CERS4: variants seen among roughly 807,000 people sequenced by gnomAD.
CERS4 encodes the protein LAG1 homolog, ceramide synthase 4.
Under a neutral mutation model 51.8 loss-of-function variants are expected in CERS4, and 65 were observed. The observed-to-expected ratio is 1.26, with a 90% confidence interval of 1.03 to 1.54. The LOEUF is 1.54. Among genes scored for constraint, CERS4 ranks in the 40% most tolerant of loss-of-function variants. CERS4 has a pLI of 0.00. For missense variants in CERS4, 563 were observed against 500.4 expected (o/e 1.13, Z -1.19); for synonymous variants, 228 against 208.4 (o/e 1.09, Z -0.81).
intron 3 of CERS4, among the ~76,000 whole-genome samples, chr19:8,252,994 T>C (rs1004088738): frequency 6.6e-5 from 10 of 152,208 alleles, no homozygotes; most frequent in Non-Finnish European, 1.5e-4. Context: ...GACGAGCCAA[T>C]GTATCACATG....
chr19:8,223,831 G>GCT (rs747171510), intron 2 of CERS4, among the ~76,000 whole-genome samples: 4 of 152,154 alleles, frequency 2.6e-5, no homozygotes, highest in Admixed American at 1.3e-4. Context: ...GGGTGCAGTG[G>GCT]CTCATGCCTG....
At chr19:8,217,586 G>T (rs1266931186) in intron 2 of CERS4, among the ~76,000 whole-genome samples, 3 of 150,852 alleles carry the variant, frequency 2.0e-5, no homozygotes, top group African/African-American at 7.3e-5. Context: ...ACCCAGGCTG[G>T]AGTGCAGTGA....
intron 4 of CERS4, among the ~76,000 whole-genome samples, chr19:8,255,170 C>A (rs535078672): frequency 6.6e-6 from 1 of 152,194 alleles, no homozygotes; most frequent in East Asian, 1.9e-4. Flanking sequence ...ACCACATACC[C>A]TAGAGGCGAC....
At chr19:8,256,038 T>G in intron 6 of CERS4, 159 bp downstream of exon 6, 1 of 940,518 alleles carries the variant, frequency 1.1e-6, no homozygotes, top group South Asian at 1.6e-5. Flanking sequence ...ACTCAACAGG[T>G]ATTTGGATTT....
intron 5 of CERS4, 32 bp downstream of exon 5, chr19:8,255,757 G>C: frequency 6.3e-7 from 1 of 1,598,918 alleles, no homozygotes; most frequent in South Asian, 1.1e-5. Context: ...TGGGGTGCAG[G>C]GAAGCGGGCC....
intron 2 of CERS4, among the ~76,000 whole-genome samples, chr19:8,247,114 T>C (rs747378051): frequency 2.6e-4 from 39 of 152,308 alleles, no homozygotes; most frequent in Non-Finnish European, 5.0e-4. Context: ...TGCAGTGAGC[T>C]GAGATCGTGC....
At position 8,254,623 on chromosome 19, in the gene CERS4, G is replaced by T. The variant is rs1568534324; in HGVS notation, c.291+7G>T. 1 of 1,598,378 alleles carries T rather than the reference G, an allele frequency of 6.3e-7. No homozygotes were observed. The highest frequency in any genetic ancestry group is 1.7e-5 in the Admixed American group (1 of 58,330). ...AGGGCACAGGCCCAAGGAGGTGAGA[G>T]CCCCCCATGCCCTCCGACCCGCACT... On this transcript the variant is annotated splice_region_variant and intron_variant, in intron 4 of 11. Transcript: ENST00000251363.
intron 2 of CERS4, chr19:8,250,409 G>A (rs1258073338): frequency 6.6e-6 from 1 of 152,314 alleles, no homozygotes; most frequent in East Asian, 1.9e-4. Context: ...AATCGGCCAA[G>A]CACTTTAGGT....
At chr19:8,250,167 G>A (rs1969003599) in intron 2 of CERS4, among the ~76,000 whole-genome samples, 2 of 151,566 alleles carry the variant, frequency 1.3e-5, no homozygotes, top group African/African-American at 4.9e-5. Context: ...TAAAGATGGA[G>A]TTTTGCCATG....
At chr19:8,254,725 A>G in intron 4 of CERS4, 109 bp downstream of exon 4, 2 of 908,024 alleles carry the variant, frequency 2.2e-6, no homozygotes, top group East Asian at 2.7e-5. Flanking sequence ...GGCTGCAGGC[A>G]CCCCTGCAAT....
intron 2 of CERS4, among the ~76,000 whole-genome samples, chr19:8,215,953 G>A (rs1000858631): frequency 1.3e-5 from 2 of 152,110 alleles, no homozygotes; most frequent in African/African-American, 4.8e-5. Context: ...TCTGTGCCTC[G>A]AGTCCAGGAT....
chr19:8,229,405 TTCTTTCTTCTTTTTTCTTCTTC>T (rs773062664), intron 2 of CERS4, among the ~76,000 whole-genome samples: 5,511 of 117,022 alleles, frequency 0.047, 352 homozygotes, highest in African/African-American at 0.16. Flanking sequence ...TTTCTTCTTC[TTCTTTCTTCTTTTTTCTTCTTC>T]TTCTTCTTCG....
rs74831672 is a variant in CERS4, at chr19:8,216,821, C to T, written c.-2+5959C>T. ...AGCCTGAGAGGTTGGACTTGGGGGG[C>T]GGATGGCGTTGGGGGTAGCGTACCT... On this transcript the variant is annotated intron_variant, in intron 2 of 11. Transcript: ENST00000251363. Among the ~76,000 whole-genome samples, 135 of 152,008 alleles carry T rather than the reference C, an allele frequency of 8.9e-4. No individual in the cohort carries two copies. In the East Asian group the frequency reaches 0.022, roughly 25 times the overall value.
chr19:8,236,616 T>C (rs539915857), intron 2 of CERS4, among the ~76,000 whole-genome samples: 285 of 141,798 alleles, frequency 2.0e-3, no homozygotes, highest in Middle Eastern at 4.1e-3. Context: ...GACGCAGAGG[T>C]AGCAATGAGC....
intron 2 of CERS4, among the ~76,000 whole-genome samples, chr19:8,221,155 G>A (rs1203582948): frequency 1.3e-5 from 2 of 149,106 alleles, no homozygotes; most frequent in African/African-American, 5.0e-5. Flanking sequence ...TTTAAACAGA[G>A]ACAGGGTCTC....
chr19:8,217,827 G>A (rs1021904559), intron 2 of CERS4, among the ~76,000 whole-genome samples: 3 of 151,942 alleles, frequency 2.0e-5, no homozygotes, highest in African/African-American at 7.3e-5. Context: ...GTGAGCCACC[G>A]CACCTGGCTA....
intron 2 of CERS4, among the ~76,000 whole-genome samples, chr19:8,216,557 C>G (rs2145164773): frequency 6.6e-6 from 1 of 152,140 alleles, no homozygotes; most frequent in African/African-American, 2.4e-5. Flanking sequence ...GGGCAGATCA[C>G]TTGAGCCCAG....
intron 9 of CERS4, among the ~76,000 whole-genome samples, chr19:8,257,535 A>G (rs1969461153): frequency 6.6e-6 from 1 of 152,174 alleles, no homozygotes; most frequent in Admixed American, 6.5e-5. Context: ...AGGTTCAAGT[A>G]ATCTCCTGCC....
At chr19:8,255,785 G>C (rs8111235) in intron 5 of CERS4, 37 bp from the exon 6 acceptor site, 6 of 1,514,646 alleles carry the variant, frequency 4.0e-6, no homozygotes, top group Non-Finnish European at 5.5e-6. Context: ...GGCGGGGCGG[G>C]TGTCTGCTAT....
Sources: gnomAD v4.1 joint callset for allele counts (sites outside exome capture counted in the v4.1 genomes callset) on GRCh38, gnomAD v4.1.1 for gene constraint, MANE v1.5 for transcripts, NCBI Gene and HGNC (gene_info 2026-07-23, HGNC 2026-07-21) for gene names.